SIK3: variants seen among roughly 807,000 people sequenced by gnomAD.
The protein encoded by SIK3 is SIK family kinase 3, also known as serine/threonine-protein kinase SIK3.
Under a neutral mutation model 144.2 loss-of-function variants are expected in SIK3, and 28 were observed. That is an observed-to-expected ratio of 0.19 (90% confidence interval 0.14 to 0.27). The LOEUF (loss-of-function observed/expected upper bound fraction) is 0.27, where lower values mean the gene tolerates loss of function less well. SIK3 is among the 10% of genes least tolerant of loss of function. The probability of loss-of-function intolerance (pLI) is 1.00; values close to 1 mark genes in which losing one functional copy is unlikely to be tolerated. For synonymous variants in SIK3, 686 were observed against 676.3 expected, an observed-to-expected ratio of 1.01 and a Z score of -0.22; for missense variants, 1,319 against 1,776.0, an observed-to-expected ratio of 0.74 and a Z score of 4.62.
intron 1 of SIK3, among the ~76,000 whole-genome samples, chr11:117,043,459 C>G (rs1489339121): frequency 6.6e-6 from 1 of 152,182 alleles, no homozygotes. Flanking sequence ...TAAAAAAATA[C>G]TGAAATCCAT....
chr11:116,917,809 GA>G (rs1343799055), intron 4 of SIK3, among the ~76,000 whole-genome samples: 2 of 61,954 alleles, frequency 3.2e-5, no homozygotes, highest in Non-Finnish European at 6.0e-5. Context: ...AGAGAGGAAG[GA>G]AAGAAGGAAG....
At chr11:117,016,884 A>G (rs1463860991) in intron 1 of SIK3, among the ~76,000 whole-genome samples, 1 of 152,198 alleles carries the variant, frequency 6.6e-6, no homozygotes, top group Non-Finnish European at 1.5e-5. Context: ...CCAACAATAG[A>G]ATGAAGAAAT....
chr11:116,962,599 A>G (rs1949388978), intron 1 of SIK3, among the ~76,000 whole-genome samples: 2 of 152,058 alleles, frequency 1.3e-5, no homozygotes, highest in Non-Finnish European at 2.9e-5. Flanking sequence ...CAAAATTTTT[A>G]TTCTCTATTT....
At chr11:116,931,559 G>A (rs1000518559) in intron 3 of SIK3, among the ~76,000 whole-genome samples, 8 of 152,164 alleles carry the variant, frequency 5.3e-5, no homozygotes, top group African/African-American at 1.9e-4. Context: ...CTGACAGCAG[G>A]ACAAGCAATA....
chr11:116,965,754 T>A (rs1353477704), intron 1 of SIK3, among the ~76,000 whole-genome samples: 54 of 9,702 alleles, frequency 5.6e-3, no homozygotes, highest in African/African-American at 0.012. Context: ...TATATATATA[T>A]ATATATATAT....
intron 1 of SIK3, among the ~76,000 whole-genome samples, chr11:117,070,395 G>A (rs1479853130): frequency 6.6e-6 from 1 of 151,946 alleles, no homozygotes; most frequent in South Asian, 2.1e-4. Flanking sequence ...AGGCTGCAGT[G>A]AGCCATGATT....
At chr11:116,909,289 G>A (rs1452892275) in intron 4 of SIK3, among the ~76,000 whole-genome samples, 1 of 151,210 alleles carries the variant, frequency 6.6e-6, no homozygotes, top group Non-Finnish European at 1.5e-5. Context: ...CCTAAGTAAT[G>A]CATTACATCA....
chr11:116,927,419 C>T (rs755959504), intron 3 of SIK3, 39 bp from the exon 4 acceptor site: 3 of 1,597,158 alleles, frequency 1.9e-6, no homozygotes, highest in African/African-American at 2.7e-5. Context: ...TCATTTTGGA[C>T]ACTTGTGTAA....
chr11:116,876,405 C>T, intron 7 of SIK3, 42 bp from the exon 8 acceptor site: 1 of 1,485,864 alleles, frequency 6.7e-7, no homozygotes, highest in Non-Finnish European at 9.4e-7. Flanking sequence ...CCCCAATTAA[C>T]CACATCAAAT....
rs117405085 is a variant in SIK3, at chr11:117,009,719, T to C, written c.274-52655A>G. ...CATTCTCTAATGTATCAAATCAATA[T>C]AAAACCTTTAAGAGATTCCCTACTT... On this transcript the variant is annotated intron_variant, in intron 1 of 24. Transcript: ENST00000445177. Among the ~76,000 whole-genome samples the C allele has an allele frequency of 4.8e-3, 734 of 152,304 alleles. 3 individuals carry two copies. Among genetic ancestry groups the C allele is most frequent in the Non-Finnish European group, 7.0e-3 (477 of 68,024 alleles).
intron 1 of SIK3, among the ~76,000 whole-genome samples, chr11:116,981,314 T>C (rs1431400295): frequency 6.6e-6 from 1 of 152,202 alleles, no homozygotes. Context: ...AGCCTATAGC[T>C]GGTGCCACTG....
At chr11:117,064,972 A>G (rs1483744967) in intron 1 of SIK3, among the ~76,000 whole-genome samples, 1 of 151,842 alleles carries the variant, frequency 6.6e-6, no homozygotes, top group African/African-American at 2.4e-5. Flanking sequence ...GCATGGTGAA[A>G]CCCCATCTCC....
chr11:117,045,934 C>A (rs924783036), intron 1 of SIK3, among the ~76,000 whole-genome samples: 1 of 152,162 alleles, frequency 6.6e-6, no homozygotes, highest in Non-Finnish European at 1.5e-5. Context: ...AGTTCAAATG[C>A]GTTAAATGAT....
intron 4 of SIK3, among the ~76,000 whole-genome samples, chr11:116,904,566 C>G (rs539435498): frequency 6.6e-6 from 1 of 152,120 alleles, no homozygotes; most frequent in Non-Finnish European, 1.5e-5. Flanking sequence ...GCTCATGACA[C>G]ACTCTCCATG....
At chr11:117,040,211 G>A (rs189810594) in intron 1 of SIK3, among the ~76,000 whole-genome samples, 1 of 152,268 alleles carries the variant, frequency 6.6e-6, no homozygotes, top group Non-Finnish European at 1.5e-5. Context: ...AAGCAGTACT[G>A]TATAGTGATA....
At chr11:116,912,282 G>GATAT (rs1946389672) in intron 4 of SIK3, among the ~76,000 whole-genome samples, 1 of 152,158 alleles carries the variant, frequency 6.6e-6, no homozygotes. Context: ...GGAGCCTGGG[G>GATAT]ATATATAAGG....
At chr11:116,941,760 C>T (rs1423091461) in intron 3 of SIK3, among the ~76,000 whole-genome samples, 2 of 152,094 alleles carry the variant, frequency 1.3e-5, no homozygotes, top group Admixed American at 6.5e-5. Context: ...ATGAGTTCTG[C>T]CTGGTATTCA....
intron 3 of SIK3, among the ~76,000 whole-genome samples, chr11:116,953,037 A>T (rs1029095703): frequency 2.0e-5 from 3 of 152,168 alleles, no homozygotes; most frequent in African/African-American, 7.2e-5. Flanking sequence ...AAGGACTAGC[A>T]CTTACCCTAA....
Position 116,875,878 on chromosome 11 carries a change from T to G in SIK3, c.1227A>C (p.Pro409=), listed in dbSNP as rs771679231. ...AGTTATTGCCCACCTGGATATTGAC[T>G]GGTGCTTGAAAGGCCAGGGCTCGGG... ...SMPRALAFQA[P]VNIQAEQAGT... Residue 409 remains proline, a synonymous_variant, in exon 9 of 25, where the codon CCA becomes CCC. Transcript: ENST00000445177. 3 of 1,604,404 alleles carry G rather than the reference T, an allele frequency of 1.9e-6. No homozygotes were observed. The highest frequency in any genetic ancestry group is 1.7e-6 in the Non-Finnish European group (2 of 1,177,600).
Sources: gnomAD v4.1 joint callset for allele counts (sites outside exome capture counted in the v4.1 genomes callset) on GRCh38, gnomAD v4.1.1 for gene constraint, MANE v1.5 for transcripts, NCBI Gene and HGNC (gene_info 2026-07-23, HGNC 2026-07-21) for gene names.